The following MPPED2 variants were observed in gnomAD, a reference collection of about 807,000 sequenced individuals.
The protein encoded by MPPED2 is metallophosphoesterase domain containing 2.
MPPED2 carries 5 observed loss-of-function variants against 33.0 expected under a neutral mutation model. The observed-to-expected ratio is 0.15, with a 90% CI of 0.08 to 0.32. MPPED2 has a LOEUF of 0.32. MPPED2 is among the 10% of genes least tolerant of loss of function. The pLI is 1.00. For synonymous variants in MPPED2, 136 were observed against 141.9 expected (o/e 0.96, Z 0.29); for missense variants, 275 against 372.1 (o/e 0.74, Z 2.15).
At chr11:30,475,000 A>G (rs1171174668) in intron 4 of MPPED2, among the ~76,000 whole-genome samples, 1 of 152,222 alleles carries the variant, frequency 6.6e-6, no homozygotes, top group East Asian at 1.9e-4. Flanking sequence ...ACTGAAAGCA[A>G]TAATAGCCTT....
At chr11:30,448,679 A>C (rs1949918129) in intron 4 of MPPED2, among the ~76,000 whole-genome samples, 2 of 150,536 alleles carry the variant, frequency 1.3e-5, no homozygotes, top group Admixed American at 6.7e-5. Flanking sequence ...AGCACTCCCC[A>C]CTATTTTTTT....
At position 30,411,441 on chromosome 11, in the gene MPPED2, T is replaced by G; in HGVS notation, c.*27A>C. The G allele has an allele frequency of 3.1e-6, 5 of 1,602,992 alleles. No homozygotes were observed. Among genetic ancestry groups the G allele is most frequent in the Non-Finnish European group, 4.3e-6 (5 of 1,172,746 alleles). ...AAAATGGCAGTTTATAGACCTTCCCTCACATTCCAATAGGGCATTTAGAGC... is the reference window on the plus strand; with the variant it reads ...AAAATGGCAGTTTATAGACCTTCCCGCACATTCCAATAGGGCATTTAGAGC... On this transcript the variant is annotated 3_prime_UTR_variant, in exon 7 of 7. Coordinates refer to ENST00000358117, the MANE Select transcript of MPPED2 (RefSeq NM_001584.3).
intron 4 of MPPED2, among the ~76,000 whole-genome samples, chr11:30,418,368 T>C (rs1382959181): frequency 2.0e-5 from 3 of 152,206 alleles, no homozygotes; most frequent in Non-Finnish European, 4.4e-5. Context: ...TTTTTGAGAT[T>C]GATGTTCCAT....
At chr11:30,521,913 T>C (rs1953897007) in intron 3 of MPPED2, among the ~76,000 whole-genome samples, 1 of 152,158 alleles carries the variant, frequency 6.6e-6, no homozygotes, top group African/African-American at 2.4e-5. Context: ...AATAACTTCC[T>C]TGTATGTTTG....
chr11:30,432,353 T>G (rs1034935499), intron 4 of MPPED2, among the ~76,000 whole-genome samples: 1 of 152,214 alleles, frequency 6.6e-6, no homozygotes, highest in African/African-American at 2.4e-5. Context: ...TAAGCAACTT[T>G]GCATGAAAAC....
chr11:30,558,319 A>C (rs1956079826), intron 2 of MPPED2, among the ~76,000 whole-genome samples: 1 of 152,118 alleles, frequency 6.6e-6, no homozygotes, highest in African/African-American at 2.4e-5. Context: ...CAAAAGCTAT[A>C]GTTCAGCTAT....
chr11:30,478,133 C>T (rs762893610), intron 4 of MPPED2, among the ~76,000 whole-genome samples: 19 of 152,006 alleles, frequency 1.2e-4, no homozygotes, highest in Non-Finnish European at 2.4e-4. Context: ...GAGTTGCTTC[C>T]TCTAAGTTTC....
rs1012440128 is a variant in MPPED2, at chr11:30,528,294, T to C, written c.310+7700A>G. ...TTTTTCAGACGGAGTCTCGCTCTGT[T>C]GCCCAGGCTAGAGTGCAGTAGCACG... On this transcript the variant is annotated intron_variant, in intron 3 of 6. Transcript: ENST00000358117. Among the ~76,000 whole-genome samples the C allele has an allele frequency of 2.0e-5, 3 of 152,156 alleles. No homozygotes were observed. In the East Asian group the frequency reaches 5.8e-4, roughly 29 times the overall value.
At chr11:30,545,380 A>G (rs1446026248) in intron 2 of MPPED2, among the ~76,000 whole-genome samples, 1 of 152,202 alleles carries the variant, frequency 6.6e-6, no homozygotes, top group East Asian at 1.9e-4. Context: ...GTAAACAGAA[A>G]CCATCATGAT....
At chr11:30,555,062 AC>A (rs1187575532) in intron 2 of MPPED2, among the ~76,000 whole-genome samples, 1 of 151,898 alleles carries the variant, frequency 6.6e-6, no homozygotes, top group Non-Finnish European at 1.5e-5. Flanking sequence ...TACTTAATTC[AC>A]CCCACAGGAC....
Position 30,556,978 on chromosome 11 carries a change from TA to T in MPPED2, c.129-20804del, listed in dbSNP as rs533495777. Among the ~76,000 whole-genome samples the T allele has an allele frequency of 3.5e-3, 532 of 150,836 alleles. 1 individual carries two copies. The highest frequency in any genetic ancestry group is 0.01 in the African/African-American group (426 of 40,976). On this transcript the variant is annotated intron_variant, in intron 2 of 6. Transcript: ENST00000358117. ...TAAGATGAGGAAAAGATCATCAGAATAAAAAAAAATCAAAATCATAAGGGGG... is the reference window on the plus strand; with the variant it reads ...TAAGATGAGGAAAAGATCATCAGAATAAAAAAAATCAAAATCATAAGGGGG...
intron 3 of MPPED2, among the ~76,000 whole-genome samples, chr11:30,496,481 T>G (rs1026938692): frequency 3.3e-5 from 5 of 152,328 alleles, no homozygotes; most frequent in African/African-American, 1.2e-4. Flanking sequence ...GCTTTTTATT[T>G]TATTTTATTT....
chr11:30,388,834 C>CA, exon 7 of MPPED2: 1 of 1,495,462 alleles, frequency 6.7e-7, no homozygotes, highest in Non-Finnish European at 8.9e-7. Context: ...GTAGCTCACA[C>CA]AATGCTAATT....
chr11:30,577,786 A>G (rs1280826503), intron 2 of MPPED2, among the ~76,000 whole-genome samples: 1 of 152,220 alleles, frequency 6.6e-6, no homozygotes, highest in Non-Finnish European at 1.5e-5. Flanking sequence ...AACACGTACC[A>G]TCATGAAAAC....
At chr11:30,408,234 C>CGGCT (rs1948020633), downstream of MPPED2, among the ~76,000 whole-genome samples, 9 of 152,326 alleles carry the variant, frequency 5.9e-5, 1 homozygote, top group South Asian at 1.9e-3. Flanking sequence ...GTGCCATGTA[C>CGGCT]GGCTGTCAAA....
intron 4 of MPPED2, among the ~76,000 whole-genome samples, chr11:30,477,771 T>C (rs746609358): frequency 3.3e-5 from 5 of 152,134 alleles, no homozygotes; most frequent in East Asian, 1.9e-4. Context: ...AGATTTTCTG[T>C]AAGATTTCAT....
intron 3 of MPPED2, among the ~76,000 whole-genome samples, chr11:30,519,297 C>T (rs557289631): frequency 6.6e-5 from 10 of 151,842 alleles, no homozygotes; most frequent in African/African-American, 1.2e-4. Flanking sequence ...AAAATATATA[C>T]GTACACACAC....
chr11:30,497,821 C>T (rs1952351661), intron 3 of MPPED2, among the ~76,000 whole-genome samples: 1 of 151,988 alleles, frequency 6.6e-6, no homozygotes, highest in African/African-American at 2.4e-5. Flanking sequence ...AAAAGGTAGC[C>T]ACCAAAATGA....
intron 3 of MPPED2, among the ~76,000 whole-genome samples, chr11:30,496,837 T>C (rs1488977981): frequency 3.3e-5 from 5 of 152,092 alleles, no homozygotes; most frequent in Admixed American, 1.3e-4. Flanking sequence ...ACATATTTGC[T>C]AATATTGAAG....
Sources: allele counts gnomAD v4.1 joint callset (sites outside exome capture counted in the v4.1 genomes callset), GRCh38; gene constraint gnomAD v4.1.1; transcripts MANE v1.5; gene names NCBI Gene and HGNC (gene_info 2026-07-23, HGNC 2026-07-21).